The following CSTPP1 variants were observed in gnomAD, a reference collection of about 807,000 sequenced individuals.
The protein encoded by CSTPP1 is UPF0705 protein C11orf49.
At chr11:47,149,624 A>G in the CSTPP1 span, among the ~76,000 whole-genome samples, 1 of 152,214 alleles carries the variant, frequency 6.6e-6, no homozygotes, top group Non-Finnish European at 1.5e-5. Context: ...ACAGCCAGAA[A>G]GATCCCATAG....
the CSTPP1 span, among the ~76,000 whole-genome samples, chr11:47,065,977 T>TTTGTGTGTGTGTG: frequency 2.1e-5 from 3 of 146,000 alleles, no homozygotes; most frequent in African/African-American, 7.6e-5. Context: ...GGTCTAACAG[T>TTTGTGTGTGTGTG]TGTGTGTGTG....
the CSTPP1 span, chr11:47,023,248 A>T: frequency 6.6e-6 from 1 of 152,266 alleles, no homozygotes. Flanking sequence ...CTTACTTTTT[A>T]AAAAATATGA....
At chr11:47,084,405 A>AT in the CSTPP1 span, among the ~76,000 whole-genome samples, 2 of 151,590 alleles carry the variant, frequency 1.3e-5, no homozygotes, top group East Asian at 1.9e-4. Flanking sequence ...ATTTTTTAGC[A>AT]TTTTTTTTCT....
chr11:47,051,254 G>T, the CSTPP1 span, among the ~76,000 whole-genome samples: 99,125 of 152,012 alleles, frequency 0.65, 32,726 homozygotes, highest in Middle Eastern at 0.7. Flanking sequence ...AGGGAATTTA[G>T]AAGTTTTCTG....
the CSTPP1 span, among the ~76,000 whole-genome samples, chr11:46,954,570 AAAAAT>A: frequency 6.6e-6 from 1 of 152,070 alleles, no homozygotes; most frequent in South Asian, 2.1e-4. Context: ...TAAATAAATA[AAAAAT>A]AAAATAAAAA....
the CSTPP1 span, among the ~76,000 whole-genome samples, chr11:47,101,186 T>TTG: frequency 2.0e-5 from 2 of 102,040 alleles, no homozygotes; most frequent in African/African-American, 4.0e-5. Context: ...TTTTTTTTTT[T>TTG]TTTATTTTAT....
At chr11:47,125,631 C>T in the CSTPP1 span, among the ~76,000 whole-genome samples, 2 of 152,162 alleles carry the variant, frequency 1.3e-5, no homozygotes, top group Non-Finnish European at 2.9e-5. Context: ...TTTTTGTTTT[C>T]TGTGGCTTGC....
chr11:47,154,442 TTA>T, the CSTPP1 span: 6 of 152,250 alleles, frequency 3.9e-5, no homozygotes, highest in African/African-American at 1.4e-4. Flanking sequence ...TCGGATCCCT[TTA>T]TGAGTCAGAC....
chr11:46,975,468 G>T, the CSTPP1 span, among the ~76,000 whole-genome samples: 1 of 152,136 alleles, frequency 6.6e-6, no homozygotes, highest in Admixed American at 6.5e-5. Context: ...AAAGAAAAAT[G>T]AGAGGAAAAA....
chr11:46,949,655 G>GT, the CSTPP1 span, among the ~76,000 whole-genome samples: 2 of 149,778 alleles, frequency 1.3e-5, no homozygotes, highest in African/African-American at 2.5e-5. Flanking sequence ...TCCTAGGATG[G>GT]TAAGAGAAAA....
chr11:47,050,318 A>T, the CSTPP1 span, among the ~76,000 whole-genome samples: 2 of 152,218 alleles, frequency 1.3e-5, no homozygotes, highest in Admixed American at 6.5e-5. Context: ...ACAAATATTT[A>T]TGAGTAACTA....
At chr11:47,111,675 A>T in the CSTPP1 span, among the ~76,000 whole-genome samples, 1 of 152,030 alleles carries the variant, frequency 6.6e-6, no homozygotes, top group East Asian at 1.9e-4. Context: ...GCTGCTGCGG[A>T]TCACCTAGGC....
chr11:47,088,883 A>G, the CSTPP1 span, among the ~76,000 whole-genome samples: 1 of 152,244 alleles, frequency 6.6e-6, no homozygotes, highest in African/African-American at 2.4e-5. Flanking sequence ...CATAAAATGT[A>G]TAGTCTGTAA....
At chr11:47,125,084 G>A in the CSTPP1 span, among the ~76,000 whole-genome samples, 1 of 152,094 alleles carries the variant, frequency 6.6e-6, no homozygotes, top group Non-Finnish European at 1.5e-5. Context: ...TCTTTCTCTA[G>A]CTGCCTCATT....
chr11:47,021,252 T>C, the CSTPP1 span, among the ~76,000 whole-genome samples: 2 of 152,192 alleles, frequency 1.3e-5, no homozygotes, highest in South Asian at 2.1e-4. Context: ...CAGTGATTGA[T>C]GCTCATCTCT....
At chr11:47,058,742 T>C in the CSTPP1 span, among the ~76,000 whole-genome samples, 1 of 152,220 alleles carries the variant, frequency 6.6e-6, no homozygotes, top group East Asian at 1.9e-4. Context: ...TTAAATAACT[T>C]GCTGTAGGTC....
the CSTPP1 span, among the ~76,000 whole-genome samples, chr11:47,008,092 C>T: frequency 5.3e-5 from 8 of 151,996 alleles, no homozygotes; most frequent in African/African-American, 1.9e-4. Flanking sequence ...CTCAGCCTCC[C>T]AAGTAGCTGG....
At chr11:46,975,676 T>C in the CSTPP1 span, among the ~76,000 whole-genome samples, 2 of 152,316 alleles carry the variant, frequency 1.3e-5, no homozygotes, top group South Asian at 4.1e-4. Context: ...TAGAGCTACT[T>C]TGAGCAAGCC....
At chr11:47,157,304 G>GC in the CSTPP1 span, 1 of 1,418,346 alleles carries the variant, frequency 7.1e-7, no homozygotes, top group African/African-American at 1.5e-5. Context: ...AGGATGTTCT[G>GC]CGCGGCCCAG....
Sources: gnomAD v4.1 joint callset for allele counts (sites outside exome capture counted in the v4.1 genomes callset) on GRCh38, gnomAD v4.1.1 for gene constraint, MANE v1.5 for transcripts, NCBI Gene and HGNC (gene_info 2026-07-23, HGNC 2026-07-21) for gene names.